The following SLC8A1 variants were observed in gnomAD, a reference collection of about 807,000 sequenced individuals.
SLC8A1 encodes the protein solute carrier family 8 member A1.
A neutral mutation model predicts 68.3 loss-of-function variants in SLC8A1; 18 were observed. That is an observed-to-expected ratio of 0.26 (90% CI 0.18 to 0.39). The LOEUF (loss-of-function observed/expected upper bound fraction) is 0.39, where lower values mean the gene tolerates loss of function less well. Ranked by LOEUF, SLC8A1 falls within the 10% of genes least tolerant of loss-of-function variation. The pLI, the probability that SLC8A1 is intolerant of heterozygous loss-of-function variation, is 1.00. For synonymous variants in SLC8A1, 475 were observed against 415.5 expected, an observed-to-expected ratio of 1.14 and a Z score of -1.74; for missense variants, 985 against 1,156.7, an observed-to-expected ratio of 0.85 and a Z score of 2.15.
intron 2 of SLC8A1, among the ~76,000 whole-genome samples, chr2:40,253,491 A>G (rs2063337440): frequency 6.6e-6 from 1 of 152,086 alleles, no homozygotes; most frequent in African/African-American, 2.4e-5. Flanking sequence ...GTGGGAGATA[A>G]AAAAGTGGAT....
intron 6 of SLC8A1, among the ~76,000 whole-genome samples, chr2:40,150,971 C>T (rs2043309841): frequency 6.6e-6 from 1 of 152,122 alleles, no homozygotes; most frequent in South Asian, 2.1e-4. Context: ...GAATATCTCC[C>T]ATAAATAGTT....
intron 2 of SLC8A1, among the ~76,000 whole-genome samples, chr2:40,319,670 G>C (rs755815858): frequency 6.6e-6 from 1 of 152,092 alleles, no homozygotes; most frequent in Non-Finnish European, 1.5e-5. Flanking sequence ...AGGCATGACA[G>C]TAACACGAAG....
chr2:40,195,880 T>C (rs916300515), intron 2 of SLC8A1: 1 of 151,926 alleles, frequency 6.6e-6, no homozygotes, highest in African/African-American at 2.4e-5. Context: ...GGAGTGACCT[T>C]AAAAGAAAAA....
intron 2 of SLC8A1, among the ~76,000 whole-genome samples, chr2:40,259,220 T>C (rs1339731270): frequency 2.0e-5 from 3 of 151,878 alleles, no homozygotes; most frequent in Non-Finnish European, 2.9e-5. Context: ...TAGCTGATGT[T>C]CTGAGCTGGA....
intron 2 of SLC8A1, among the ~76,000 whole-genome samples, chr2:40,394,618 G>A (rs769764197): frequency 6.6e-6 from 1 of 152,054 alleles, no homozygotes; most frequent in African/African-American, 2.4e-5. Flanking sequence ...AATAAAGTTT[G>A]TGAACCTATT....
chr2:40,182,474 T>G (rs1185709770), intron 2 of SLC8A1, among the ~76,000 whole-genome samples: 2 of 152,086 alleles, frequency 1.3e-5, no homozygotes, highest in Non-Finnish European at 2.9e-5. Context: ...TACATTTTGG[T>G]TCTATTTCTA....
At chr2:40,193,379 C>G (rs892965031) in intron 2 of SLC8A1, among the ~76,000 whole-genome samples, 1 of 151,992 alleles carries the variant, frequency 6.6e-6, no homozygotes, top group Non-Finnish European at 1.5e-5. Flanking sequence ...AAGAGGAGTA[C>G]GAATTCACAG....
At chr2:40,129,390 C>T (rs2038857998) in intron 7 of SLC8A1, among the ~76,000 whole-genome samples, 2 of 103,022 alleles carry the variant, frequency 1.9e-5, no homozygotes, top group African/African-American at 7.1e-5. Flanking sequence ...ACCACCATGC[C>T]CAGCTAATTT....
intron 5 of SLC8A1, 122 bp downstream of exon 8, chr2:40,164,732 G>T (rs2046259763): frequency 1.5e-6 from 2 of 1,321,994 alleles, no homozygotes; most frequent in African/African-American, 2.9e-5. Flanking sequence ...CAATTCACAA[G>T]CCAGTTCCTG....
intron 2 of SLC8A1, among the ~76,000 whole-genome samples, chr2:40,407,663 G>A (rs1166727480): frequency 2.0e-5 from 3 of 152,180 alleles, no homozygotes; most frequent in Non-Finnish European, 4.4e-5. Flanking sequence ...TTGCTGTGCT[G>A]CATAAACTGT....
chr2:40,396,100 A>T (rs1686812519), intron 2 of SLC8A1, among the ~76,000 whole-genome samples: 1 of 152,144 alleles, frequency 6.6e-6, no homozygotes, highest in South Asian at 2.1e-4. Context: ...TTTGCTGAAA[A>T]CACCCTTAAA....
chr2:40,116,556 T>C (rs1406690996), intron 7 of SLC8A1, among the ~76,000 whole-genome samples: 3 of 152,130 alleles, frequency 2.0e-5, no homozygotes, highest in Middle Eastern at 6.8e-3. Context: ...AGTGAGAATA[T>C]GCGGTGTTTG....
intron 7 of SLC8A1, among the ~76,000 whole-genome samples, chr2:40,122,236 GCA>G (rs56977522): frequency 1.2e-3 from 175 of 149,482 alleles, no homozygotes; most frequent in African/African-American, 3.6e-3. Context: ...GTGTGCGCGC[GCA>G]CACACACACA....
intron 2 of SLC8A1, among the ~76,000 whole-genome samples, chr2:40,371,277 A>G (rs1189730484): frequency 6.6e-6 from 1 of 152,100 alleles, no homozygotes; most frequent in Non-Finnish European, 1.5e-5. Flanking sequence ...CAAATTGCTC[A>G]AGTTAAATCC....
exon 8 of SLC8A1, chr2:40,106,557 A>G (rs566570508): frequency 2.0e-5 from 3 of 152,356 alleles, no homozygotes; most frequent in African/African-American, 7.2e-5. Context: ...ACATATATTT[A>G]TCATAGACTT....
rs1190716037 is a variant in SLC8A1 at position 40,239,393 on chromosome 2, T to G, written c.1809-61538A>C. Among the ~76,000 whole-genome samples the G allele has an allele frequency of 3.3e-5, 5 of 152,318 alleles. No individual in the cohort carries two copies. In the East Asian group the frequency reaches 9.6e-4, roughly 29 times the overall value. The stretch of plus-strand genomic sequence containing the variant: ...GTCATCTTTGGGCTTTCTATTGACA[T>G]GAGGTGAATAGATTTAGGGCTAGAA... On this transcript the variant is annotated intron_variant, in intron 2 of 7. Transcript: ENST00000406785.
At chr2:40,350,075 T>C (rs1314675206) in intron 2 of SLC8A1, among the ~76,000 whole-genome samples, 1 of 152,202 alleles carries the variant, frequency 6.6e-6, no homozygotes, top group Non-Finnish European at 1.5e-5. Context: ...TATTAATTTT[T>C]TGTTGTTTTC....
intron 1 of SLC8A1, among the ~76,000 whole-genome samples, chr2:40,432,194 T>C (rs914115599): frequency 2.6e-5 from 4 of 151,954 alleles, no homozygotes; most frequent in African/African-American, 7.3e-5. Flanking sequence ...ACAATATTTA[T>C]GCATGCTTAA....
intron 6 of SLC8A1, among the ~76,000 whole-genome samples, chr2:40,149,227 C>T (rs2042985836): frequency 6.6e-6 from 1 of 152,180 alleles, no homozygotes; most frequent in Non-Finnish European, 1.5e-5. Context: ...TTTATTAGTG[C>T]CACTCATTTC....
Sources: allele counts gnomAD v4.1 joint callset (sites outside exome capture counted in the v4.1 genomes callset), GRCh38; gene constraint gnomAD v4.1.1; transcripts MANE v1.5; gene names NCBI Gene and HGNC (gene_info 2026-07-23, HGNC 2026-07-21).